Variants in CYLC2 observed in about 807,000 individuals in gnomAD.
The protein encoded by CYLC2 is cylicin-2.
In CYLC2, 30 loss-of-function variants were observed where a neutral mutation model predicts 26.1. The ratio of observed to expected loss-of-function variants is 1.15; its 90% confidence interval spans 0.86 to 1.56. The LOEUF (loss-of-function observed/expected upper bound fraction) is 1.56. Among genes scored for constraint, CYLC2 ranks in the 40% most tolerant of loss-of-function variants. The pLI, the probability that CYLC2 is intolerant of heterozygous loss-of-function variation, is 0.00. For synonymous variants in CYLC2, 158 were observed against 132.8 expected, an observed-to-expected ratio of 1.19 and a Z score of -1.31; for missense variants, 498 against 394.4, an observed-to-expected ratio of 1.26 and a Z score of -2.23.
At position 102,995,351 on chromosome 9, in the gene CYLC2, T is replaced by A; in HGVS notation, c.-30T>A. 1 of 1,590,904 alleles carries A rather than the reference T, an allele frequency of 6.3e-7. No individual in the cohort carries two copies. On this transcript the variant is annotated 5_prime_UTR_variant, in exon 1 of 8. Coordinates refer to ENST00000374798, the MANE Select transcript of CYLC2 (RefSeq NM_001340.5). ...CATCACCAGTTTGAACTTACAATAC[T>A]TAAGTCCTGGCAAGTCATAAGTGGG...
chr9:103,014,058 T>C (rs2118268196), intron 6 of CYLC2, among the ~76,000 whole-genome samples: 1 of 118,636 alleles, frequency 8.4e-6, no homozygotes, highest in East Asian at 2.6e-4. Flanking sequence ...TATATCTATT[T>C]AATATTTCAT....
chr9:103,012,924 G>A (rs921432994), intron 6 of CYLC2, among the ~76,000 whole-genome samples: 1 of 150,562 alleles, frequency 6.6e-6, no homozygotes, highest in African/African-American at 2.4e-5. Context: ...GTATGGTGTA[G>A]TTTGGCATTC....
intron 6 of CYLC2, among the ~76,000 whole-genome samples, chr9:103,014,353 T>A (rs117024178): frequency 0.057 from 7,838 of 136,806 alleles, 269 homozygotes; most frequent in South Asian, 0.11. Flanking sequence ...ATATATTACC[T>A]AATATTACAT....
chr9:103,001,959 T>C (rs1430723626), intron 2 of CYLC2, among the ~76,000 whole-genome samples: 1 of 152,180 alleles, frequency 6.6e-6, no homozygotes, highest in Non-Finnish European at 1.5e-5. Flanking sequence ...ACAACATTCC[T>C]GATAGATTAT....
intron 1 of CYLC2, among the ~76,000 whole-genome samples, chr9:102,997,820 T>C (rs1829252505): frequency 6.6e-6 from 1 of 151,978 alleles, no homozygotes; most frequent in Non-Finnish European, 1.5e-5. Flanking sequence ...GATTAAAATA[T>C]AACCCAGACT....
rs369036643 is a variant in CYLC2 at position 103,004,830 on chromosome 9, G to A, written c.316G>A (p.Glu106Lys). ...RQPLKPTRTV[E>K]VDSKAAEIGK... ...GCCTCTCAAACCAACTCGTACTGTCGAGGTGGATTCTAAAGCAGCAGGTAG... is the reference window on the plus strand; with the variant it reads ...GCCTCTCAAACCAACTCGTACTGTCAAGGTGGATTCTAAAGCAGCAGGTAG... Residue 106 changes from glutamate (E) to lysine (K), a missense_variant, in exon 4 of 8, where the codon GAG becomes AAG. Transcript: ENST00000374798. 1.3e-5 allele frequency: 21 copies of A among 1,610,444 alleles called. No homozygotes were observed. In the African/African-American group the frequency reaches 2.0e-4, roughly 15 times the overall value.
intron 6 of CYLC2, among the ~76,000 whole-genome samples, chr9:103,013,032 A>T (rs1367457001): frequency 6.7e-6 from 1 of 148,238 alleles, no homozygotes; most frequent in Non-Finnish European, 1.5e-5. Flanking sequence ...TGATAGCAAG[A>T]TTAAGAACCA....
chr9:103,009,827 T>G (rs1006701158), intron 5 of CYLC2, among the ~76,000 whole-genome samples: 1 of 151,834 alleles, frequency 6.6e-6, no homozygotes, highest in Non-Finnish European at 1.5e-5. Flanking sequence ...CTCCACATCT[T>G]TGCCAACACT....
At chr9:103,010,147 CAAAT>C (rs984057599) in intron 5 of CYLC2, among the ~76,000 whole-genome samples, 25 of 151,872 alleles carry the variant, frequency 1.6e-4, no homozygotes, top group Admixed American at 9.8e-4. Flanking sequence ...CAATTTTAAA[CAAAT>C]AAGAATTTAC....
chr9:103,009,877 A>G (rs1367994030), intron 5 of CYLC2, among the ~76,000 whole-genome samples: 2 of 151,356 alleles, frequency 1.3e-5, no homozygotes, highest in African/African-American at 4.9e-5. Flanking sequence ...TATATCACAT[A>G]TATACAAACA....
intron 6 of CYLC2, among the ~76,000 whole-genome samples, chr9:103,015,405 T>C (rs186610123): frequency 7.4e-6 from 1 of 134,884 alleles, no homozygotes; most frequent in African/African-American, 2.7e-5. Context: ...ATATGCTTAT[T>C]ATATATTATA....
intron 6 of CYLC2, among the ~76,000 whole-genome samples, chr9:103,013,000 AAAGG>A: frequency 1.3e-5 from 2 of 149,592 alleles, no homozygotes; most frequent in South Asian, 4.2e-4. Context: ...GCTGGAAAAA[AAAGG>A]AAAGGGTATG....
Position 103,004,853 on chromosome 9 carries a change from T to A in CYLC2, c.337+2T>A. ...TCGAGGTGGATTCTAAAGCAGCAGG[T>A]AGAGATAACTTACTGTTTTTATAGT... On this transcript the variant is annotated splice_donor_variant, in intron 4 of 7. Coordinates refer to ENST00000374798, the MANE Select transcript of CYLC2 (RefSeq NM_001340.5). LOFTEE classifies it high-confidence loss of function. The A allele has an allele frequency of 6.2e-7, 1 of 1,605,708 alleles. No individual in the cohort carries two copies. The highest frequency in any genetic ancestry group is 2.2e-5 in the East Asian group (1 of 44,814).
intron 6 of CYLC2, among the ~76,000 whole-genome samples, chr9:103,013,259 G>GTGTTATATAT (rs1226865033): frequency 6.0e-5 from 5 of 83,742 alleles, no homozygotes; most frequent in African/African-American, 2.5e-4. Context: ...TATATTTAAT[G>GTGTTATATAT]TGTTATATAT....
intron 5 of CYLC2, among the ~76,000 whole-genome samples, chr9:103,011,463 C>T (rs1002736773): frequency 2.6e-5 from 4 of 151,986 alleles, no homozygotes; most frequent in Non-Finnish European, 5.9e-5. Context: ...TAAGCTATTT[C>T]TATAGAAAAG....
At chr9:103,004,151 G>T (rs1587851541) in intron 3 of CYLC2, among the ~76,000 whole-genome samples, 2 of 151,944 alleles carry the variant, frequency 1.3e-5, no homozygotes, top group East Asian at 3.9e-4. Flanking sequence ...ATTCCCTGTT[G>T]TAGATTTCAT....
chr9:102,996,843 C>T (rs1314208086), intron 1 of CYLC2, among the ~76,000 whole-genome samples: 1 of 151,890 alleles, frequency 6.6e-6, no homozygotes, highest in Non-Finnish European at 1.5e-5. Context: ...TCAACTATAC[C>T]ATTTAATAGT....
At chr9:102,996,595 T>G (rs1447471742) in intron 1 of CYLC2, among the ~76,000 whole-genome samples, 1 of 151,892 alleles carries the variant, frequency 6.6e-6, no homozygotes, top group African/African-American at 2.4e-5. Flanking sequence ...TTTCTTTGAG[T>G]TCAAGTGACA....
intron 6 of CYLC2, among the ~76,000 whole-genome samples, chr9:103,015,550 A>G (rs929904516): frequency 1.4e-5 from 2 of 142,942 alleles, no homozygotes; most frequent in African/African-American, 5.1e-5. Flanking sequence ...TATTATATAT[A>G]AAATATATGT....
Sources: gnomAD v4.1 joint callset for allele counts (sites outside exome capture counted in the v4.1 genomes callset) on GRCh38, gnomAD v4.1.1 for gene constraint, MANE v1.5 for transcripts, NCBI Gene and HGNC (gene_info 2026-07-23, HGNC 2026-07-21) for gene names.